Variants in PHIP observed in about 807,000 individuals in gnomAD.
PHIP encodes PHIP subunit of CUL4-Ring ligase complex.
Under a neutral mutation model 236.8 loss-of-function variants are expected in PHIP, and 54 were observed. The observed-to-expected ratio is 0.23, with a 90% CI of 0.18 to 0.29. The LOEUF (loss-of-function observed/expected upper bound fraction) is 0.29. Among genes scored for constraint, PHIP ranks in the 10% least tolerant of loss-of-function variants. PHIP has a pLI of 1.00. For synonymous variants in PHIP, 756 were observed against 718.9 expected (o/e 1.05, Z -0.83); for missense variants, 1,370 against 2,190.8 (o/e 0.63, Z 7.48).
chr6:78,972,161 C>T (rs1180398309), intron 24 of PHIP, among the ~76,000 whole-genome samples: 1 of 152,164 alleles, frequency 6.6e-6, no homozygotes, highest in Non-Finnish European at 1.5e-5. Flanking sequence ...GTGGTTCTCC[C>T]AGTACGCAGC....
At chr6:78,942,059 A>C (rs1199369587) in intron 39 of PHIP, among the ~76,000 whole-genome samples, 1 of 152,196 alleles carries the variant, frequency 6.6e-6, no homozygotes, top group Non-Finnish European at 1.5e-5. Context: ...ACATGTTTTT[A>C]TTTGATATGG....
At chr6:78,997,928 T>C (rs937961123) in intron 18 of PHIP, among the ~76,000 whole-genome samples, 2 of 152,218 alleles carry the variant, frequency 1.3e-5, no homozygotes, top group Admixed American at 6.5e-5. Flanking sequence ...TAATGGTTCA[T>C]AAATTTGTTT....
At chr6:79,036,339 GCTAT>G (rs907826504) in intron 7 of PHIP, among the ~76,000 whole-genome samples, 4 of 152,024 alleles carry the variant, frequency 2.6e-5, no homozygotes, top group African/African-American at 7.2e-5. Flanking sequence ...CTTCAAATTT[GCTAT>G]CTTAGTAGTT....
At chr6:79,027,790 A>G (rs1344681533) in intron 7 of PHIP, among the ~76,000 whole-genome samples, 1 of 152,142 alleles carries the variant, frequency 6.6e-6, no homozygotes, top group Non-Finnish European at 1.5e-5. Flanking sequence ...GCTTGAATAG[A>G]GTCTCACGCA....
Position 78,966,345 on chromosome 6 carries a change from G to A in PHIP, c.3206-289C>T, listed in dbSNP as rs11964204. On this transcript the variant is annotated intron_variant, in intron 27 of 39. Transcript: ENST00000275034. ...AGGCATTTTTACCAATCTAGCATTT[G>A]AAATTCATCATTAACACTATACCCA... Among the ~76,000 whole-genome samples, 51,150 of 152,010 alleles carry A rather than the reference G, an allele frequency of 0.34. 8,769 individuals carry two copies. Among genetic ancestry groups the A allele is most frequent in the Non-Finnish European group, 0.35 (24,098 of 67,984 alleles).
At chr6:79,031,036 C>A (rs914478208) in intron 7 of PHIP, among the ~76,000 whole-genome samples, 2 of 152,006 alleles carry the variant, frequency 1.3e-5, no homozygotes, top group Non-Finnish European at 2.9e-5. Context: ...CTCCGCAGCC[C>A]AGGTTCAAGA....
intron 16 of PHIP, among the ~76,000 whole-genome samples, chr6:79,002,986 A>AT (rs1770084553): frequency 6.6e-6 from 1 of 152,138 alleles, no homozygotes; most frequent in Non-Finnish European, 1.5e-5. Context: ...TCACTGGTTA[A>AT]TTTGCAATTT....
intron 17 of PHIP, among the ~76,000 whole-genome samples, chr6:78,999,350 C>T (rs1167473205): frequency 6.6e-6 from 1 of 152,098 alleles, no homozygotes; most frequent in African/African-American, 2.4e-5. Flanking sequence ...ATGGCAATTC[C>T]ATGACATTTC....
intron 7 of PHIP, among the ~76,000 whole-genome samples, chr6:79,042,308 C>T (rs1345366617): frequency 6.6e-6 from 1 of 151,874 alleles, no homozygotes; most frequent in South Asian, 2.1e-4. Context: ...AACAAAACAT[C>T]AGATATTTTG....
intron 7 of PHIP, among the ~76,000 whole-genome samples, chr6:79,029,264 G>A (rs1582249594): frequency 1.3e-5 from 2 of 151,992 alleles, no homozygotes; most frequent in African/African-American, 4.8e-5. Flanking sequence ...CTACCCCTCA[G>A]GACTCCCGGA....
At chr6:78,972,241 C>A (rs984156071) in intron 24 of PHIP, among the ~76,000 whole-genome samples, 2 of 152,208 alleles carry the variant, frequency 1.3e-5, no homozygotes, top group African/African-American at 2.4e-5. Flanking sequence ...AGCAGCCTAA[C>A]TGGGAGGCAC....
intron 7 of PHIP, among the ~76,000 whole-genome samples, chr6:79,029,894 A>G (rs1438697393): frequency 1.3e-5 from 2 of 151,604 alleles, no homozygotes; most frequent in East Asian, 3.8e-4. Flanking sequence ...AATGTCTAAC[A>G]TAATTTGAAC....
At chr6:79,027,729 T>C (rs1030375876) in intron 7 of PHIP, among the ~76,000 whole-genome samples, 1 of 152,160 alleles carries the variant, frequency 6.6e-6, no homozygotes, top group Non-Finnish European at 1.5e-5. Flanking sequence ...CAGTCTACTT[T>C]TTCTGAGAGA....
chr6:79,062,369 T>G (rs1008335444), intron 4 of PHIP, among the ~76,000 whole-genome samples: 6 of 152,188 alleles, frequency 3.9e-5, no homozygotes, highest in Non-Finnish European at 5.9e-5. Context: ...AAATGAGTTT[T>G]TAAAATCGTA....
chr6:78,971,502 A>C (rs975335782), intron 24 of PHIP, among the ~76,000 whole-genome samples: 1 of 152,178 alleles, frequency 6.6e-6, no homozygotes, highest in Non-Finnish European at 1.5e-5. Context: ...TCTATTCATT[A>C]ATACCATTAT....
At chr6:78,992,517 C>T (rs1490940036) in intron 19 of PHIP, among the ~76,000 whole-genome samples, 1 of 151,780 alleles carries the variant, frequency 6.6e-6, no homozygotes, top group East Asian at 1.9e-4. Context: ...TTTGTGGAAC[C>T]CTGCAATGAG....
chr6:78,986,262 G>A (rs1179828115), intron 21 of PHIP, among the ~76,000 whole-genome samples: 1 of 152,044 alleles, frequency 6.6e-6, no homozygotes, highest in Admixed American at 6.6e-5. Flanking sequence ...TTTCTCTTTG[G>A]TAAATATTCA....
At chr6:79,020,326 A>T (rs1771056711) in intron 9 of PHIP, among the ~76,000 whole-genome samples, 1 of 152,196 alleles carries the variant, frequency 6.6e-6, no homozygotes, top group South Asian at 2.1e-4. Context: ...AAATAGTTTT[A>T]CATTAGTATT....
In PHIP at chr6:78,946,208, T is replaced by C; in HGVS notation, c.4423A>G (p.Thr1475Ala). The change falls in exon 38 of 40, where the codon ACC (threonine) becomes GCC (alanine). Residue 1475 changes from threonine (T) to alanine (A), a missense_variant. By Grantham distance (58) the Thr-to-Ala change is moderately conservative. Around this residue, in one of 14 missense-constraint regions of PHIP, gnomAD observed 125 missense variants for 235.1 expected, o/e 0.53. Transcript: ENST00000275034. Reference protein sequence around the residue: ...LKPQLKSESSTSAFSTPTRSI... With the variant: ...LKPQLKSESSASAFSTPTRSI... ...CGTGTAGGTGTAGAGAATGCAGAGG[T>C]AGAGCTTTCTGATTTTAGCTGGGGT... The C allele has an allele frequency of 1.9e-6, 3 of 1,612,786 alleles. No homozygotes were observed. Among genetic ancestry groups the C allele is most frequent in the South Asian group, 2.2e-5 (2 of 91,056 alleles).
Sources: allele counts gnomAD v4.1 joint callset (sites outside exome capture counted in the v4.1 genomes callset), GRCh38; gene constraint gnomAD v4.1.1; regional missense constraint gnomAD v4.1.1; transcripts MANE v1.5; gene names NCBI Gene and HGNC (gene_info 2026-07-23, HGNC 2026-07-21).